Variants in GDPD4 observed in about 807,000 individuals in gnomAD.
GDPD4 encodes glycerophosphodiester phosphodiesterase domain containing 4.
A neutral mutation model predicts 67.8 loss-of-function variants in GDPD4; 60 were observed. The ratio of observed to expected loss-of-function variants is 0.88; its 90% CI spans 0.72 to 1.10. GDPD4 has a LOEUF of 1.10. Among genes scored for constraint, GDPD4 ranks in the 50% least tolerant of loss-of-function variants. The pLI, the probability that GDPD4 is intolerant of heterozygous loss-of-function variation, is 0.00. For missense variants in GDPD4, 623 were observed against 613.9 expected (o/e 1.01, Z -0.16); for synonymous variants, 212 against 210.9 (o/e 1.00, Z -0.04).
chr11:77,260,952 T>G (rs1959104012), intron 10 of GDPD4, among the ~76,000 whole-genome samples: 1 of 151,868 alleles, frequency 6.6e-6, no homozygotes, highest in Non-Finnish European at 1.5e-5. Flanking sequence ...GTAAATGGAG[T>G]CCTAAAAAAG....
intron 13 of GDPD4, 130 bp downstream of exon 13, chr11:77,243,564 G>A: frequency 1.3e-6 from 1 of 775,158 alleles, no homozygotes; most frequent in Non-Finnish European, 2.1e-6. Context: ...GAAAAAGAAA[G>A]GAGATTCAAA....
chr11:77,282,884 C>T (rs1419520782), intron 3 of GDPD4, among the ~76,000 whole-genome samples: 1 of 151,948 alleles, frequency 6.6e-6, no homozygotes, highest in Non-Finnish European at 1.5e-5. Context: ...ATAAGAGAAA[C>T]TTCCAAAACA....
intron 16 of GDPD4, 113 bp downstream of exon 16, chr11:77,227,751 C>T (rs1252191193): frequency 1.3e-6 from 1 of 742,648 alleles, no homozygotes. Context: ...AACCCCACCC[C>T]CAACTTTCCA....
In GDPD4 at chr11:77,216,787, C is replaced by T; in HGVS notation, c.*490G>A. On this transcript the variant is annotated 3_prime_UTR_variant, in exon 17 of 17. Transcript: ENST00000315938. Reference sequence around the variant, plus strand: ...CTTTATCAACCACTCCCCACCATCACCACCCTTAGGCAGAGAGAGGAAGAA... The same window carrying T: ...CTTTATCAACCACTCCCCACCATCATCACCCTTAGGCAGAGAGAGGAAGAA... 3.3e-6 allele frequency: 2 copies of T among 606,226 alleles called. No homozygotes were observed. Among genetic ancestry groups the T allele is most frequent in the South Asian group, 2.0e-5 (1 of 49,750 alleles). The allele number at this position is 606,226 out of a possible 1,614,324, so 37.6% of individuals were successfully genotyped here.
At chr11:77,269,565 C>T (rs556896913) in intron 8 of GDPD4, among the ~76,000 whole-genome samples, 2 of 152,260 alleles carry the variant, frequency 1.3e-5, no homozygotes, top group South Asian at 4.1e-4. Context: ...ACAACTTAAC[C>T]TCTCTGAATC....
At chr11:77,253,421 G>C (rs1254713528) in intron 11 of GDPD4, among the ~76,000 whole-genome samples, 1 of 152,160 alleles carries the variant, frequency 6.6e-6, no homozygotes, top group Non-Finnish European at 1.5e-5. Flanking sequence ...TATGGCTGTT[G>C]TTTGGGTCCT....
intron 10 of GDPD4, among the ~76,000 whole-genome samples, chr11:77,261,873 C>T (rs968995861): frequency 6.6e-6 from 1 of 152,156 alleles, no homozygotes; most frequent in African/African-American, 2.4e-5. Flanking sequence ...ATAAAGAAGG[C>T]TGTTAGGCAT....
chr11:77,268,408 C>T, intron 10 of GDPD4, 49 bp downstream of exon 10: 2 of 1,290,640 alleles, frequency 1.5e-6, no homozygotes, highest in Non-Finnish European at 2.3e-6. Context: ...TCTTGCATGG[C>T]ATTGAACTTA....
Position 77,229,133 on chromosome 11 carries a change from A to G in GDPD4, c.1472+17T>C. On this transcript the variant is annotated intron_variant, in intron 15 of 16. Transcript: ENST00000315938. Reference sequence around the variant, plus strand: ...TTATTTTGGAAAAAATTCATTTAAAATTATATATATACTTACCAGTGAAAA... The same window carrying G: ...TTATTTTGGAAAAAATTCATTTAAAGTTATATATATACTTACCAGTGAAAA... The G allele has an allele frequency of 5.6e-6, 7 of 1,239,056 alleles. No individual in the cohort carries two copies. Among genetic ancestry groups the G allele is most frequent in the Non-Finnish European group, 7.9e-6 (7 of 889,580 alleles). The allele number at this position is 1,239,056 out of a possible 1,614,324, so 76.8% of individuals were successfully genotyped here. A position where few individuals can be genotyped will look rare whatever the true frequency, so the allele number is the denominator to read the frequency against.
intron 11 of GDPD4, among the ~76,000 whole-genome samples, chr11:77,245,959 G>A (rs898509615): frequency 2.6e-5 from 4 of 152,134 alleles, no homozygotes; most frequent in Non-Finnish European, 4.4e-5. Flanking sequence ...CCCTTCAAAT[G>A]CTATTTCCCT....
At chr11:77,236,729 AACACAC>A (rs34508625) in intron 13 of GDPD4, among the ~76,000 whole-genome samples, 2 of 145,386 alleles carry the variant, frequency 1.4e-5, no homozygotes, top group East Asian at 4.0e-4. Flanking sequence ...ACAAGAAGGA[AACACAC>A]ACACACACAC....
chr11:77,265,989 T>A (rs1959176266), intron 10 of GDPD4, among the ~76,000 whole-genome samples: 2 of 152,214 alleles, frequency 1.3e-5, no homozygotes, highest in African/African-American at 4.8e-5. Flanking sequence ...GTTTCAATAG[T>A]TCATTCATTT....
chr11:77,291,835 A>G (rs1055720422), intron 1 of GDPD4, among the ~76,000 whole-genome samples: 56 of 152,276 alleles, frequency 3.7e-4, no homozygotes, highest in African/African-American at 1.3e-3. Flanking sequence ...GTTTGAGACC[A>G]GCCTGACCAA....
At chr11:77,257,757 C>T (rs532128934) in intron 11 of GDPD4, among the ~76,000 whole-genome samples, 1 of 152,288 alleles carries the variant, frequency 6.6e-6, no homozygotes, top group Admixed American at 6.5e-5. Context: ...CTGTACACTG[C>T]ACAGCACGTG....
Position 77,285,089 on chromosome 11 carries a change from CAAAGTT to C in GDPD4, c.43_48del (p.Asn15_Phe16del). On this transcript the variant is annotated inframe_deletion, in exon 3 of 17. Transcript: ENST00000315938. ...ACTACAAAAAGTGAAACTCACCAGT[CAAAGTT>C]AAAGTATTCACTGGATGTTTCTATC... is the stretch of plus-strand genomic sequence containing the variant. 1.9e-6 allele frequency: 3 copies of C among 1,609,288 alleles called. No individual in the cohort carries two copies. Among genetic ancestry groups the C allele is most frequent in the Non-Finnish European group, 1.7e-6 (2 of 1,176,120 alleles).
rs1190225780 is a variant in GDPD4, at chr11:77,263,990, C to G, written c.707+4467G>C. 3.9e-5 allele frequency among the ~76,000 whole-genome samples: 6 copies of G among 152,132 alleles called. No homozygotes were observed. In the East Asian group the frequency reaches 1.2e-3, roughly 29 times the overall value. On this transcript the variant is annotated intron_variant, in intron 10 of 16. Transcript: ENST00000315938. ...TCCAGTGACTGTTGGCAAGATTTCTCCTATTGGTCCACACGAGGAGGTCAA... is the reference window on the plus strand; with the variant it reads ...TCCAGTGACTGTTGGCAAGATTTCTGCTATTGGTCCACACGAGGAGGTCAA...
intron 10 of GDPD4, 92 bp from the exon 11 acceptor site, chr11:77,258,634 C>G (rs944260441): frequency 7.8e-6 from 9 of 1,158,142 alleles, no homozygotes; most frequent in Middle Eastern, 2.3e-4. Flanking sequence ...TTCAAGGTCA[C>G]AAGTGTCACT....
intron 13 of GDPD4, among the ~76,000 whole-genome samples, chr11:77,236,053 A>G (rs1023438273): frequency 6.6e-6 from 1 of 152,116 alleles, no homozygotes; most frequent in African/African-American, 2.4e-5. Flanking sequence ...AGAGGGAAGG[A>G]GTGATCAAAA....
At chr11:77,297,537 GAA>G (rs576071684) in intron 1 of GDPD4, among the ~76,000 whole-genome samples, 8 of 77,968 alleles carry the variant, frequency 1.0e-4, no homozygotes, top group Admixed American at 1.4e-4. Context: ...CTCCGTCTCA[GAA>G]AAAAAAAAAA....
Sources: gnomAD v4.1 joint callset for allele counts (sites outside exome capture counted in the v4.1 genomes callset) on GRCh38, gnomAD v4.1.1 for gene constraint, MANE v1.5 for transcripts, NCBI Gene and HGNC (gene_info 2026-07-23, HGNC 2026-07-21) for gene names.